Variants in IMMP2L observed in about 807,000 individuals in gnomAD.
The protein encoded by IMMP2L is inner mitochondrial membrane peptidase subunit 2.
Under a neutral mutation model 19.3 loss-of-function variants are expected in IMMP2L, and 18 were observed. That is an observed-to-expected ratio of 0.93 (90% CI 0.64 to 1.38). IMMP2L has a LOEUF of 1.38. Among genes scored for constraint, IMMP2L ranks in the 40% most tolerant of loss-of-function variants. The pLI, the probability that IMMP2L is intolerant of heterozygous loss-of-function variation, is 0.00. For missense variants in IMMP2L, 233 were observed against 218.2 expected (o/e 1.07, Z -0.43); for synonymous variants, 76 against 73.0 (o/e 1.04, Z -0.21).
At chr7:111,252,366 A>G (rs569945002) in intron 3 of IMMP2L, among the ~76,000 whole-genome samples, 1 of 152,296 alleles carries the variant, frequency 6.6e-6, no homozygotes, top group South Asian at 2.1e-4. Flanking sequence ...GCCAATGGAA[A>G]AAGTTCTGAA....
intron 1 of IMMP2L, among the ~76,000 whole-genome samples, chr7:111,557,334 G>C (rs11983824): frequency 0.78 from 118,578 of 152,014 alleles, 47,895 homozygotes; most frequent in East Asian, 0.97. Flanking sequence ...AGTGTACCCT[G>C]AACTGGCTAT....
chr7:110,849,828 G>A (rs917565607), intron 5 of IMMP2L, among the ~76,000 whole-genome samples: 6 of 151,904 alleles, frequency 3.9e-5, no homozygotes, highest in African/African-American at 1.2e-4. Flanking sequence ...TATCAGAAAG[G>A]TAGAAAAGAT....
At chr7:111,000,102 T>C (rs1823503194) in intron 3 of IMMP2L, among the ~76,000 whole-genome samples, 1 of 152,154 alleles carries the variant, frequency 6.6e-6, no homozygotes, top group South Asian at 2.1e-4. Context: ...TTGTGGTTGT[T>C]TTCCTAGGCA....
chr7:111,057,605 A>G (rs1793634696), intron 3 of IMMP2L, among the ~76,000 whole-genome samples: 1 of 152,214 alleles, frequency 6.6e-6, no homozygotes, highest in South Asian at 2.1e-4. Context: ...ATGGGAACCT[A>G]TGTTAAAACT....
At chr7:111,311,407 A>G (rs2130286839) in intron 3 of IMMP2L, among the ~76,000 whole-genome samples, 1 of 152,226 alleles carries the variant, frequency 6.6e-6, no homozygotes, top group East Asian at 1.9e-4. Flanking sequence ...ATGGTCAAGC[A>G]TTTTGGGTCT....
chr7:111,242,306 C>T (rs945733691), intron 3 of IMMP2L, among the ~76,000 whole-genome samples: 2 of 151,968 alleles, frequency 1.3e-5, no homozygotes, highest in Non-Finnish European at 2.9e-5. Flanking sequence ...GGAGAAAATC[C>T]AATCTCTTCC....
At chr7:111,553,218 G>A (rs1454449801) in intron 1 of IMMP2L, among the ~76,000 whole-genome samples, 1 of 152,144 alleles carries the variant, frequency 6.6e-6, no homozygotes, top group African/African-American at 2.4e-5. Context: ...TTATCATATA[G>A]GAATGAGTAG....
chr7:110,829,647 G>C (rs1441075368), intron 5 of IMMP2L, among the ~76,000 whole-genome samples: 2 of 152,056 alleles, frequency 1.3e-5, no homozygotes, highest in Admixed American at 1.3e-4. Flanking sequence ...ATAATTCAAA[G>C]TACTAAATGG....
intron 3 of IMMP2L, among the ~76,000 whole-genome samples, chr7:111,188,770 T>C (rs866029812): frequency 1.3e-5 from 2 of 152,142 alleles, no homozygotes; most frequent in Non-Finnish European, 2.9e-5. Context: ...GAGTGGCCAC[T>C]TGAAAAACTT....
At chr7:111,167,731 A>T (rs1458084621) in intron 3 of IMMP2L, among the ~76,000 whole-genome samples, 1 of 151,916 alleles carries the variant, frequency 6.6e-6, no homozygotes, top group Non-Finnish European at 1.5e-5. Context: ...TGCCTCAAAA[A>T]TAGCTGGTCC....
chr7:110,692,953 A>G (rs1793617859), intron 5 of IMMP2L, among the ~76,000 whole-genome samples: 1 of 152,190 alleles, frequency 6.6e-6, no homozygotes, highest in Admixed American at 6.5e-5. Context: ...AGTGTTTGTG[A>G]AAATGCAGCC....
At position 111,332,013 on chromosome 7, in the gene IMMP2L, C is replaced by T. The variant is rs534680085; in HGVS notation, c.239+155225G>A. 8.6e-5 allele frequency among the ~76,000 whole-genome samples: 13 copies of T among 151,640 alleles called. No individual in the cohort carries two copies. In the South Asian group the frequency reaches 2.7e-3, roughly 32 times the overall value. On this transcript the variant is annotated intron_variant, in intron 3 of 5. Transcript: ENST00000405709. ...GGGAAAATACATCATGTGCTATATG[C>T]TATATATTATGTGCTGTTTTCTCAA...
At chr7:111,382,658 A>C (rs1258148318) in intron 3 of IMMP2L, among the ~76,000 whole-genome samples, 1 of 152,130 alleles carries the variant, frequency 6.6e-6, no homozygotes, top group Non-Finnish European at 1.5e-5. Flanking sequence ...AGCTGATTAA[A>C]GGGGCAAGAA....
Position 110,760,915 on chromosome 7 carries a change from A to T in IMMP2L, c.409-97194T>A, listed in dbSNP as rs912906416. 2.0e-5 allele frequency among the ~76,000 whole-genome samples: 3 copies of T among 152,084 alleles called. No individual in the cohort carries two copies. Among genetic ancestry groups the T allele is most frequent in the Non-Finnish European group, 4.4e-5 (3 of 68,010 alleles). ...ACAGGAGCCAGAGAAGTCAAACCAG[A>T]TGTATAAGTGACATAAGTGGGTTGG... On this transcript the variant is annotated intron_variant, in intron 5 of 5. Transcript: ENST00000405709. This position sits in a 1 kb window ranked among gnomAD's most constrained non-coding sequence, Gnocchi z 4.2.
At chr7:110,783,940 C>A in intron 5 of IMMP2L, among the ~76,000 whole-genome samples, 1 of 151,690 alleles carries the variant, frequency 6.6e-6, no homozygotes, top group East Asian at 1.9e-4. Flanking sequence ...ATTGGACTAG[C>A]CTATCATTAA....
chr7:110,694,816 T>C (rs1264428682), intron 5 of IMMP2L, among the ~76,000 whole-genome samples: 2 of 152,194 alleles, frequency 1.3e-5, no homozygotes, highest in South Asian at 4.1e-4. Context: ...TAAAAGTGAC[T>C]GGATGGGTGG....
At chr7:111,538,264 A>G (rs1848076579) in intron 1 of IMMP2L, among the ~76,000 whole-genome samples, 1 of 152,112 alleles carries the variant, frequency 6.6e-6, no homozygotes, top group Non-Finnish European at 1.5e-5. Flanking sequence ...AGCTGTCCAT[A>G]TAAACTACAT....
At chr7:110,984,054 A>C (rs1347399820) in intron 3 of IMMP2L, among the ~76,000 whole-genome samples, 1 of 151,948 alleles carries the variant, frequency 6.6e-6, no homozygotes, top group African/African-American at 2.4e-5. Context: ...AGGGATTTGG[A>C]TATGATTCAA....
At chr7:110,674,271 T>A (rs754903682) in intron 5 of IMMP2L, among the ~76,000 whole-genome samples, 6 of 152,170 alleles carry the variant, frequency 3.9e-5, no homozygotes, top group Non-Finnish European at 7.3e-5. Context: ...GAGAATAGCA[T>A]GAGGGAAACT....
Sources: allele counts gnomAD v4.1 joint callset (sites outside exome capture counted in the v4.1 genomes callset), GRCh38; gene constraint gnomAD v4.1.1; non-coding constraint Gnocchi (gnomAD v3.1); transcripts MANE v1.5; gene names NCBI Gene and HGNC (gene_info 2026-07-23, HGNC 2026-07-21).